ARHGAP21: variants seen among roughly 807,000 people sequenced by gnomAD.
ARHGAP21 encodes the protein rho GTPase-activating protein 21.
Under a neutral mutation model 164.6 loss-of-function variants are expected in ARHGAP21, and 38 were observed. The observed-to-expected ratio is 0.23, with a 90% CI of 0.18 to 0.30. The LOEUF (loss-of-function observed/expected upper bound fraction) is 0.30. ARHGAP21 is among the 10% of genes least tolerant of loss of function. ARHGAP21 has a pLI of 1.00. For missense variants in ARHGAP21, 1,822 were observed against 2,370.7 expected, an observed-to-expected ratio of 0.77 and a Z score of 4.81; for synonymous variants, 766 against 857.9, an observed-to-expected ratio of 0.89 and a Z score of 1.87.
intron 2 of ARHGAP21, among the ~76,000 whole-genome samples, chr10:24,700,010 T>C (rs1417752201): frequency 2.6e-5 from 4 of 152,118 alleles, no homozygotes; most frequent in Non-Finnish European, 5.9e-5. Context: ...TGAAGGCCAA[T>C]AGCTGTGATA....
intron 4 of ARHGAP21, among the ~76,000 whole-genome samples, chr10:24,653,890 C>T (rs1838490792): frequency 6.6e-6 from 1 of 151,804 alleles, no homozygotes; most frequent in Non-Finnish European, 1.5e-5. Flanking sequence ...AACTTTTGTG[C>T]AGCAAAGGAC....
rs1428979349 is a variant in ARHGAP21 at position 24,584,460 on chromosome 10, T to G, written c.5829A>C (p.Lys1943Asn). ...CTTTACTGCCTGGGGTTTCAGACAG[T>G]TTATGAGGTTGGGCATTCGCTGCAG... The part of the protein sequence containing the change: ...ASSAANAQPH[K>N]LSETPGSKAE... Residue 1943 changes from lysine to asparagine, a missense_variant, in exon 26 of 26, where the codon AAA becomes AAC. Coordinates refer to ENST00000396432, the MANE Select transcript of ARHGAP21 (RefSeq NM_020824.4). 2.5e-6 allele frequency: 4 copies of G among 1,613,508 alleles called. No homozygotes were observed. The highest frequency in any genetic ancestry group is 3.4e-6 in the Non-Finnish European group (4 of 1,179,740).
chr10:24,651,511 A>G (rs1838157087), intron 4 of ARHGAP21, among the ~76,000 whole-genome samples: 1 of 152,156 alleles, frequency 6.6e-6, no homozygotes, highest in Non-Finnish European at 1.5e-5. Flanking sequence ...GCTACTCAAC[A>G]CCAATTATCA....
At chr10:24,598,113 A>C in intron 14 of ARHGAP21, 104 bp from the exon 15 acceptor site, 1 of 836,302 alleles carries the variant, frequency 1.2e-6, no homozygotes, top group Non-Finnish European at 1.9e-6. Flanking sequence ...TAACACAAAC[A>C]CTACTATCAT....
At chr10:24,644,533 C>T (rs2131472694) in intron 4 of ARHGAP21, among the ~76,000 whole-genome samples, 1 of 152,298 alleles carries the variant, frequency 6.6e-6, no homozygotes, top group African/African-American at 2.4e-5. Flanking sequence ...CCGTCCACTG[C>T]ACTGAAACTG....
rs571536488 is a variant in ARHGAP21 at position 24,654,816 on chromosome 10, A to G, written c.268+12169T>C. ...AAAAAGAGCCTGCATTGCCAAGACA[A>G]TCCTAAGCCAAAAGAACAAGGCTGG... On this transcript the variant is annotated intron_variant, in intron 4 of 25. Transcript: ENST00000396432. Among the ~76,000 whole-genome samples, 320 of 152,316 alleles carry G rather than the reference A, an allele frequency of 2.1e-3. No individual in the cohort carries two copies. In the Middle Eastern group the frequency reaches 0.027, roughly 13 times the overall value.
At chr10:24,685,792 C>T (rs933217205) in intron 2 of ARHGAP21, among the ~76,000 whole-genome samples, 3 of 152,172 alleles carry the variant, frequency 2.0e-5, no homozygotes, top group African/African-American at 7.2e-5. Flanking sequence ...AGGAGAATCG[C>T]TTGAACCTGG....
chr10:24,622,433 C>CATATAAATAT (rs1834641784), intron 8 of ARHGAP21, among the ~76,000 whole-genome samples: 10 of 89,770 alleles, frequency 1.1e-4, no homozygotes, highest in African/African-American at 4.0e-4. Context: ...ACTTAAAAAA[C>CATATAAATAT]ATATATATAT....
intron 2 of ARHGAP21, among the ~76,000 whole-genome samples, chr10:24,718,000 T>C (rs947055615): frequency 1.3e-5 from 2 of 152,096 alleles, no homozygotes; most frequent in Non-Finnish European, 2.9e-5. Flanking sequence ...CTGATTACAG[T>C]AGGGACAGAG....
intron 2 of ARHGAP21, among the ~76,000 whole-genome samples, chr10:24,689,895 TGTGTATATATAC>T (rs1157603573): frequency 7.2e-6 from 1 of 138,858 alleles, no homozygotes; most frequent in Non-Finnish European, 1.5e-5. Context: ...TGTATATGTA[TGTGTATATATAC>T]ATGTATATAT....
chr10:24,604,406 G>T, intron 11 of ARHGAP21, 58 bp from the exon 12 acceptor site: 1 of 1,222,220 alleles, frequency 8.2e-7, no homozygotes, highest in Non-Finnish European at 1.2e-6. Flanking sequence ...TCTTAAAGAT[G>T]TAAGAATAAT....
intron 14 of ARHGAP21, 21 bp downstream of exon 14, chr10:24,600,625 A>G: frequency 6.2e-7 from 1 of 1,606,750 alleles, no homozygotes; most frequent in Non-Finnish European, 8.5e-7. Context: ...AGATTTCTCC[A>G]GCATTCCTTT....
intron 17 of ARHGAP21, chr10:24,596,329 A>C: frequency 2.3e-6 from 1 of 432,072 alleles, no homozygotes. Context: ...GTTCCGCTGA[A>C]TAAAGAGTCA....
chr10:24,723,785 A>C lies in ARHGAP21; in HGVS notation c.-604T>G, dbSNP rs1846159991. 7.2e-6 allele frequency: 1 copy of C among 137,932 alleles called. No individual in the cohort carries two copies. Among genetic ancestry groups the C allele is most frequent in the African/African-American group, 2.6e-5 (1 of 39,082 alleles). 8.5% of individuals were successfully genotyped at this position (137,932 alleles called of 1,614,324 possible). On this transcript the variant is annotated 5_prime_UTR_variant, in exon 1 of 26. Coordinates refer to ENST00000396432, the MANE Select transcript of ARHGAP21 (RefSeq NM_020824.4). The stretch of plus-strand genomic sequence containing the variant: ...CCGGCCCCGGGCTCTCGGCCGCCGC[A>C]GGAGGGCGTGGGGCGGGGCGGCGGC...
At chr10:24,591,516 G>T in intron 23 of ARHGAP21, 126 bp downstream of exon 23, 3 of 1,272,220 alleles carry the variant, frequency 2.4e-6, no homozygotes, top group Non-Finnish European at 3.4e-6. Flanking sequence ...CAGAAACTGA[G>T]CTAGAGACCT....
chr10:24,653,183 A>G (rs1404075347), intron 4 of ARHGAP21, among the ~76,000 whole-genome samples: 1 of 152,212 alleles, frequency 6.6e-6, no homozygotes, highest in African/African-American at 2.4e-5. Flanking sequence ...GATATGGAAC[A>G]TTTCTATTAT....
intron 23 of ARHGAP21, 112 bp from the exon 24 acceptor site, chr10:24,591,442 G>A (rs1366962533): frequency 8.9e-7 from 1 of 1,123,578 alleles, no homozygotes; most frequent in Non-Finnish European, 1.3e-6. Context: ...TGTGCTTAAT[G>A]TGTTTACATT....
At chr10:24,662,138 T>G (rs1839759827) in intron 4 of ARHGAP21, among the ~76,000 whole-genome samples, 1 of 152,224 alleles carries the variant, frequency 6.6e-6, no homozygotes. Flanking sequence ...CCTCTAAACC[T>G]GGGATCTCCT....
intron 2 of ARHGAP21, among the ~76,000 whole-genome samples, chr10:24,681,743 T>C (rs1841780606): frequency 6.6e-6 from 1 of 152,178 alleles, no homozygotes; most frequent in African/African-American, 2.4e-5. Flanking sequence ...GCAACACCTT[T>C]TTAGGATGTC....
Sources: gnomAD v4.1 joint callset for allele counts (sites outside exome capture counted in the v4.1 genomes callset) on GRCh38, gnomAD v4.1.1 for gene constraint, MANE v1.5 for transcripts, NCBI Gene and HGNC (gene_info 2026-07-23, HGNC 2026-07-21) for gene names.